CRADD: variants seen among roughly 807,000 people sequenced by gnomAD.
The protein encoded by CRADD is death domain-containing protein CRADD.
In CRADD, 9 loss-of-function variants were observed where a neutral mutation model predicts 15.5. The ratio of observed to expected loss-of-function variants is 0.58; its 90% CI spans 0.35 to 1.01. The LOEUF is 1.01. CRADD is among the 50% of genes least tolerant of loss of function. The probability of loss-of-function intolerance (pLI) is 0.02; values close to 1 mark genes in which losing one functional copy is unlikely to be tolerated. For missense variants in CRADD, 227 were observed against 250.3 expected, an observed-to-expected ratio of 0.91 and a Z score of 0.63; for synonymous variants, 118 against 107.6, an observed-to-expected ratio of 1.10 and a Z score of -0.60.
downstream of CRADD, among the ~76,000 whole-genome samples, chr12:93,851,451 T>C (rs1373145301): frequency 6.6e-6 from 1 of 152,212 alleles, no homozygotes; most frequent in East Asian, 1.9e-4. Context: ...AGTTTCCTCA[T>C]TGGCAGAATG....
intron 2 of CRADD, among the ~76,000 whole-genome samples, chr12:93,892,705 G>A (rs1958584893): frequency 6.6e-6 from 1 of 152,058 alleles, no homozygotes; most frequent in Non-Finnish European, 1.5e-5. Context: ...TTGGGCAAGT[G>A]AACATAATGA....
In CRADD at chr12:93,785,448, T is replaced by C. The variant is rs570288878; in HGVS notation, c.299-64522T>C. 9.5e-4 allele frequency among the ~76,000 whole-genome samples: 145 copies of C among 152,296 alleles called. 1 individual carries two copies. The highest frequency in any genetic ancestry group is 9.3e-3 in the South Asian group (45 of 4,822). On this transcript the variant is annotated intron_variant, in intron 2 of 2. Transcript: ENST00000332896. ...ACTGGTATGCGTCTTCCCGATCCCC[T>C]GGCCTATGGGTTAGAAGTCAAAGAT...
chr12:93,838,087 A>AT (rs1565933324), intron 2 of CRADD: 1 of 152,046 alleles, frequency 6.6e-6, no homozygotes, highest in African/African-American at 2.4e-5. Flanking sequence ...TCACTTAATC[A>AT]TCCTGGAAAT....
chr12:93,807,509 A>G (rs763845732), intron 2 of CRADD, among the ~76,000 whole-genome samples: 2 of 152,154 alleles, frequency 1.3e-5, no homozygotes, highest in Non-Finnish European at 2.9e-5. Flanking sequence ...GACCAGAGAC[A>G]TTTATTATCT....
intron 2 of CRADD, among the ~76,000 whole-genome samples, chr12:93,834,107 G>A (rs1482531076): frequency 1.3e-5 from 2 of 152,284 alleles, no homozygotes; most frequent in African/African-American, 4.8e-5. Context: ...GTGCAGAGCC[G>A]GCACGTGAAA....
At chr12:93,823,589 A>G (rs1361060114) in intron 2 of CRADD, among the ~76,000 whole-genome samples, 2 of 152,236 alleles carry the variant, frequency 1.3e-5, no homozygotes, top group Non-Finnish European at 2.9e-5. Context: ...CAGCCAAAGA[A>G]TGTTCATTCA....
At chr12:93,772,130 G>A (rs1174754797) in intron 2 of CRADD, among the ~76,000 whole-genome samples, 1 of 152,120 alleles carries the variant, frequency 6.6e-6, no homozygotes, top group African/African-American at 2.4e-5. Flanking sequence ...AAAAAGAAAT[G>A]GTTTGTTGTT....
intron 2 of CRADD, among the ~76,000 whole-genome samples, chr12:93,725,970 C>T (rs981376312): frequency 6.6e-6 from 1 of 152,106 alleles, no homozygotes; most frequent in African/African-American, 2.4e-5. Flanking sequence ...GTATTCAAAC[C>T]CAGGGCTGAC....
intron 2 of CRADD, among the ~76,000 whole-genome samples, chr12:93,796,975 C>A (rs1957425572): frequency 6.6e-6 from 1 of 152,188 alleles, no homozygotes; most frequent in African/African-American, 2.4e-5. Context: ...CTGTTTGGTG[C>A]AGCTGCTTCC....
At chr12:93,795,393 T>C (rs1957403118) in intron 2 of CRADD, among the ~76,000 whole-genome samples, 1 of 152,204 alleles carries the variant, frequency 6.6e-6, no homozygotes, top group South Asian at 2.1e-4. Flanking sequence ...AAAGAAGTAC[T>C]GCACTTTGGG....
chr12:93,854,082 C>G (rs1958250937), downstream of CRADD, among the ~76,000 whole-genome samples: 1 of 152,116 alleles, frequency 6.6e-6, no homozygotes, highest in Non-Finnish European at 1.5e-5. Flanking sequence ...GCAAACTACC[C>G]CCAAGATGTA....
intron 2 of CRADD, among the ~76,000 whole-genome samples, chr12:93,876,879 A>T (rs1958460980): frequency 6.6e-6 from 1 of 152,022 alleles, no homozygotes; most frequent in South Asian, 2.1e-4. Flanking sequence ...GTGTTGATAG[A>T]TGTTCTTTAG....
chr12:93,860,030 C>T (rs188566802), intron 2 of CRADD, among the ~76,000 whole-genome samples: 61 of 151,606 alleles, frequency 4.0e-4, no homozygotes, highest in Non-Finnish European at 5.4e-4. Context: ...GTATTTGGCT[C>T]ATGTAGGGGG....
chr12:93,812,290 G>A (rs11107199), intron 2 of CRADD, among the ~76,000 whole-genome samples: 16,210 of 152,102 alleles, frequency 0.11, 1,158 homozygotes, highest in African/African-American at 0.2. Flanking sequence ...TGTTGTACAC[G>A]AAGAAGGAAC....
intron 2 of CRADD, among the ~76,000 whole-genome samples, chr12:93,721,412 C>T (rs1168759147): frequency 2.6e-5 from 4 of 152,038 alleles, no homozygotes; most frequent in Non-Finnish European, 2.9e-5. Context: ...TTCACTTATA[C>T]GTTAGTGTAT....
downstream of CRADD, among the ~76,000 whole-genome samples, chr12:93,852,180 C>G (rs1429958909): frequency 6.6e-6 from 1 of 152,208 alleles, no homozygotes; most frequent in African/African-American, 2.4e-5. Context: ...TATTACATTG[C>G]TGTCTTCCCC....
At chr12:93,801,364 G>A (rs959861850) in intron 2 of CRADD, among the ~76,000 whole-genome samples, 5 of 152,002 alleles carry the variant, frequency 3.3e-5, no homozygotes, top group Non-Finnish European at 5.9e-5. Context: ...TATTTGATTG[G>A]CCTTAGATGT....
At chr12:93,766,636 G>A (rs962462641) in intron 2 of CRADD, among the ~76,000 whole-genome samples, 3 of 152,176 alleles carry the variant, frequency 2.0e-5, no homozygotes, top group African/African-American at 7.2e-5. Flanking sequence ...TTCAGTAGAG[G>A]TTAAAATTAA....
chr12:93,762,953 A>G (rs756724390), intron 2 of CRADD, among the ~76,000 whole-genome samples: 9 of 152,170 alleles, frequency 5.9e-5, no homozygotes, highest in Non-Finnish European at 1.3e-4. Flanking sequence ...TGCTTTTCCT[A>G]AGATATTTGC....
Sources: allele counts gnomAD v4.1 joint callset (sites outside exome capture counted in the v4.1 genomes callset), GRCh38; gene constraint gnomAD v4.1.1; transcripts MANE v1.5; gene names NCBI Gene and HGNC (gene_info 2026-07-23, HGNC 2026-07-21).